COX7B2: variants seen among roughly 807,000 people sequenced by gnomAD.
COX7B2 encodes the protein cytochrome c oxidase subunit 7B2, mitochondrial.
For missense variants in COX7B2, 109 were observed against 95.9 expected, an observed-to-expected ratio of 1.14 and a Z score of -0.57; for synonymous variants, 37 against 32.1, an observed-to-expected ratio of 1.15 and a Z score of -0.51.
intron 2 of COX7B2, among the ~76,000 whole-genome samples, chr4:46,840,813 A>C (rs547235513): frequency 8.6e-4 from 131 of 152,162 alleles, no homozygotes; most frequent in African/African-American, 2.9e-3. Flanking sequence ...CTGAAGAGAT[A>C]CCTAATTCAG....
chr4:46,835,493 A>G (rs1715453531), intron 2 of COX7B2, among the ~76,000 whole-genome samples: 1 of 152,128 alleles, frequency 6.6e-6, no homozygotes, highest in African/African-American at 2.4e-5. Context: ...TCATGGTGGA[A>G]GAAGAGTCTG....
At chr4:46,771,799 G>A (rs1716893812) in intron 2 of COX7B2, among the ~76,000 whole-genome samples, 1 of 151,972 alleles carries the variant, frequency 6.6e-6, no homozygotes, top group African/African-American at 2.4e-5. Flanking sequence ...ACAAACCTCT[G>A]ATCCCAAGTA....
At chr4:46,784,579 A>AGC (rs1432274941) in intron 2 of COX7B2, among the ~76,000 whole-genome samples, 1 of 152,154 alleles carries the variant, frequency 6.6e-6, no homozygotes, top group Non-Finnish European at 1.5e-5. Context: ...GAGCCAAGAT[A>AGC]GCACCATTGC....
chr4:46,843,308 C>A (rs1259430768), intron 2 of COX7B2, among the ~76,000 whole-genome samples: 1 of 151,774 alleles, frequency 6.6e-6, no homozygotes, highest in Non-Finnish European at 1.5e-5. Flanking sequence ...CATAAGGTAC[C>A]CATATCTGGC....
At chr4:46,791,952 A>T (rs1718072753) in intron 2 of COX7B2, among the ~76,000 whole-genome samples, 1 of 152,234 alleles carries the variant, frequency 6.6e-6, no homozygotes, top group African/African-American at 2.4e-5. Flanking sequence ...TATACCAGTA[A>T]AATGAGATAA....
intron 1 of COX7B2, among the ~76,000 whole-genome samples, chr4:46,849,776 T>C (rs564338692): frequency 3.2e-4 from 49 of 152,144 alleles, no homozygotes; most frequent in African/African-American, 1.2e-3. Context: ...CATGTTGGTG[T>C]GCAGCACCCA....
At chr4:46,907,848 C>CTTTTTTATTTTTTTTTTTTTTTTTTT (rs1720494497) in intron 1 of COX7B2, among the ~76,000 whole-genome samples, 1 of 59,730 alleles carries the variant, frequency 1.7e-5, no homozygotes, top group Non-Finnish European at 3.1e-5. Context: ...TTTGAGCAGA[C>CTTTTTTATTTTTTTTTTTTTTTTTTT]TTTTTTTTTT....
intron 2 of COX7B2, among the ~76,000 whole-genome samples, chr4:46,816,301 G>A (rs1719548093): frequency 6.6e-6 from 1 of 151,934 alleles, no homozygotes. Context: ...TGTCCTTTCT[G>A]GCCTCTAGTT....
chr4:46,798,335 TA>T (rs1177743220), intron 2 of COX7B2, among the ~76,000 whole-genome samples: 1 of 152,172 alleles, frequency 6.6e-6, no homozygotes, highest in Non-Finnish European at 1.5e-5. Context: ...TGTTTGGAGA[TA>T]TTGTTCTATC....
chr4:46,852,663 A>G (rs1716762323), intron 1 of COX7B2, among the ~76,000 whole-genome samples: 1 of 152,150 alleles, frequency 6.6e-6, no homozygotes, highest in Non-Finnish European at 1.5e-5. Context: ...TAACCCCAAA[A>G]TCAAATCAAT....
intron 1 of COX7B2, among the ~76,000 whole-genome samples, chr4:46,850,233 A>ATG (rs1716581432): frequency 2.0e-5 from 3 of 150,754 alleles, no homozygotes; most frequent in African/African-American, 7.4e-5. Context: ...AATAATTTAA[A>ATG]ATGATTTAAA....
At position 46,752,594 on chromosome 4, in the gene COX7B2, T is replaced by C. The variant is rs188029757; in HGVS notation, c.-49-17353A>G. On this transcript the variant is annotated intron_variant, in intron 2 of 2. Transcript: ENST00000355591. ...TCTTATTATTTTGAGATACATCCTA[T>C]CAATACCTAATTTATTGAGAGTTTT... Among the ~76,000 whole-genome samples, 27 of 152,300 alleles carry C rather than the reference T, an allele frequency of 1.8e-4. No individual in the cohort carries two copies. The East Asian group carries it at 5.0e-3, about 28-fold the overall frequency.
chr4:46,839,066 G>A (rs1715748271), intron 2 of COX7B2, among the ~76,000 whole-genome samples: 1 of 151,762 alleles, frequency 6.6e-6, no homozygotes, highest in Admixed American at 6.6e-5. Flanking sequence ...ACTCCTTTGA[G>A]CCTCTGTGAT....
chr4:46,823,366 C>T (rs564318041), intron 2 of COX7B2, among the ~76,000 whole-genome samples: 3 of 151,326 alleles, frequency 2.0e-5, no homozygotes, highest in Non-Finnish European at 4.4e-5. Flanking sequence ...ATCTCCTTGA[C>T]CATATACTAA....
chr4:46,887,965 G>C (rs953330683), intron 1 of COX7B2, among the ~76,000 whole-genome samples: 10 of 152,108 alleles, frequency 6.6e-5, no homozygotes, highest in African/African-American at 2.4e-4. Context: ...CCAGTAGGCT[G>C]CCAACCCCTA....
Position 46,752,369 on chromosome 4 carries a change from G to A in COX7B2, c.-49-17128C>T, listed in dbSNP as rs536207769. ...TACAATCATGTCATCTGCAAACAGG[G>A]ACAATTTGACTTCCTCTTTTCCTAA... On this transcript the variant is annotated intron_variant, in intron 2 of 2. Coordinates refer to ENST00000355591, the MANE Select transcript of COX7B2 (RefSeq NM_130902.3). Among the ~76,000 whole-genome samples the A allele has an allele frequency of 2.6e-5, 4 of 151,632 alleles. No homozygotes were observed. In the South Asian group the frequency reaches 8.4e-4, roughly 32 times the overall value.
intron 2 of COX7B2, among the ~76,000 whole-genome samples, chr4:46,786,253 G>T (rs568310622): frequency 8.9e-4 from 136 of 152,238 alleles, no homozygotes; most frequent in African/African-American, 2.9e-3. Flanking sequence ...AATATATTAT[G>T]AACATCTTCT....
intron 2 of COX7B2, among the ~76,000 whole-genome samples, chr4:46,777,221 A>G (rs976334303): frequency 6.6e-6 from 1 of 152,154 alleles, no homozygotes; most frequent in African/African-American, 2.4e-5. Flanking sequence ...AAAAAATTCC[A>G]TGAGATAAAA....
At chr4:46,832,702 A>G (rs1715227530) in intron 2 of COX7B2, among the ~76,000 whole-genome samples, 1 of 152,026 alleles carries the variant, frequency 6.6e-6, no homozygotes. Flanking sequence ...CTTGATGATG[A>G]GAGGATTCTT....
Sources: gnomAD v4.1 joint callset for allele counts (sites outside exome capture counted in the v4.1 genomes callset) on GRCh38, gnomAD v4.1.1 for gene constraint, MANE v1.5 for transcripts, NCBI Gene and HGNC (gene_info 2026-07-23, HGNC 2026-07-21) for gene names.